RFX4: variants seen among roughly 807,000 people sequenced by gnomAD.
The protein encoded by RFX4 is regulatory factor X4.
In RFX4, 10 loss-of-function variants were observed where a neutral mutation model predicts 95.0. The ratio of observed to expected loss-of-function variants is 0.11; its 90% CI spans 0.06 to 0.18. The LOEUF is 0.18. Among genes scored for constraint, RFX4 ranks in the 10% least tolerant of loss-of-function variants. RFX4 has a pLI of 1.00. For missense variants in RFX4, 640 were observed against 922.0 expected (o/e 0.69, Z 3.96); for synonymous variants, 321 against 340.7 (o/e 0.94, Z 0.64).
chr12:106,708,496 G>C (rs182380879), intron 8 of RFX4, among the ~76,000 whole-genome samples: 29 of 152,268 alleles, frequency 1.9e-4, no homozygotes, highest in African/African-American at 6.7e-4. Flanking sequence ...GGGTTGCCCA[G>C]TGGGGTGGAG....
chr12:106,682,101 C>T (rs1289370092), intron 5 of RFX4, 47 bp downstream of exon 5: 2 of 1,590,866 alleles, frequency 1.3e-6, no homozygotes, highest in Non-Finnish European at 1.7e-6. Flanking sequence ...CATCTATGGG[C>T]CTCGAGACAG....
At chr12:106,635,300 A>G (rs572236976) in intron 2 of RFX4, among the ~76,000 whole-genome samples, 3 of 152,216 alleles carry the variant, frequency 2.0e-5, no homozygotes, top group Non-Finnish European at 2.9e-5. Flanking sequence ...GTTTAAAAAA[A>G]TACAATTGAC....
intron 1 of RFX4, among the ~76,000 whole-genome samples, chr12:106,594,816 A>AT (rs2039594861): frequency 6.6e-6 from 1 of 151,248 alleles, no homozygotes; most frequent in African/African-American, 2.4e-5. Flanking sequence ...AAAAAAAAAA[A>AT]GAAATGAAAA....
intron 5 of RFX4, 29 bp from the exon 6 acceptor site, chr12:106,686,852 TCTC>T: frequency 6.8e-7 from 1 of 1,463,594 alleles, no homozygotes; most frequent in African/African-American, 2.2e-5. Context: ...TTTTTTTTTT[TCTC>T]TCTCTCCCTC....
At position 106,640,301 on chromosome 12, in the gene RFX4, C is replaced by T. The variant is rs2137281083; in HGVS notation, c.191+909C>T. Among the ~76,000 whole-genome samples the T allele has an allele frequency of 1.3e-5, 2 of 152,260 alleles. 1 individual carries two copies. Among genetic ancestry groups the T allele is most frequent in the East Asian group, 3.9e-4 (2 of 5,186 alleles). ...GGTCTCTTTAACTGCAAAGCTCATG[C>T]TTGCGAAGAAAGGAAAAGAAACATC... On this transcript the variant is annotated intron_variant, in intron 3 of 17. Transcript: ENST00000392842.
At position 106,708,724 on chromosome 12, in the gene RFX4, T is replaced by C. The variant is rs937596593; in HGVS notation, c.834-606T>C. On this transcript the variant is annotated intron_variant, in intron 8 of 17. Coordinates refer to ENST00000392842, the MANE Select transcript of RFX4 (RefSeq NM_213594.3). ...AAATGGTGCCCGGTGTCTTCTCAAC[T>C]TCAAATTCCCATCTTATTGCAACCT... Among the ~76,000 whole-genome samples, 5 of 152,212 alleles carry C rather than the reference T, an allele frequency of 3.3e-5. No individual in the cohort carries two copies. In the East Asian group the frequency reaches 5.8e-4, roughly 18 times the overall value.
chr12:106,651,067 A>G (rs2040848426), intron 3 of RFX4, among the ~76,000 whole-genome samples: 1 of 152,266 alleles, frequency 6.6e-6, no homozygotes, highest in Middle Eastern at 3.4e-3. Context: ...GCCAAATCAT[A>G]TCCATTTGTG....
At chr12:106,738,500 G>A (rs1343010850) in intron 15 of RFX4, among the ~76,000 whole-genome samples, 1 of 152,184 alleles carries the variant, frequency 6.6e-6, no homozygotes, top group East Asian at 1.9e-4. Context: ...TATCATAAAT[G>A]GCTTCAGATA....
chr12:106,644,443 G>A (rs184530497), intron 3 of RFX4, among the ~76,000 whole-genome samples: 56 of 152,162 alleles, frequency 3.7e-4, no homozygotes, highest in Non-Finnish European at 7.1e-4. Context: ...ATGTTGGCCA[G>A]GCTGGTTTTG....
intron 2 of RFX4, among the ~76,000 whole-genome samples, chr12:106,609,852 A>G (rs2039920956): frequency 6.6e-6 from 1 of 152,000 alleles, no homozygotes; most frequent in Non-Finnish European, 1.5e-5. Flanking sequence ...CCTGTCAATC[A>G]CTACTGTCCT....
chr12:106,712,332 A>G (rs2042206531), intron 10 of RFX4, among the ~76,000 whole-genome samples: 1 of 152,194 alleles, frequency 6.6e-6, no homozygotes, highest in Non-Finnish European at 1.5e-5. Flanking sequence ...CCAGAGTCCC[A>G]TTTCCCCAGG....
chr12:106,671,488 G>T (rs2041279669), intron 4 of RFX4, among the ~76,000 whole-genome samples: 1 of 151,976 alleles, frequency 6.6e-6, no homozygotes, highest in Non-Finnish European at 1.5e-5. Context: ...GCATGTGTGG[G>T]CATGTGTCAG....
chr12:106,752,837 A>T (rs941086483), intron 17 of RFX4, among the ~76,000 whole-genome samples: 6 of 152,042 alleles, frequency 3.9e-5, no homozygotes, highest in Admixed American at 2.6e-4. Flanking sequence ...GCATTTGGGA[A>T]ACCACCGCTG....
rs1026920683 is a variant in RFX4 at position 106,586,728 on chromosome 12, A to T, written c.43+3365A>T. Among the ~76,000 whole-genome samples the T allele has an allele frequency of 2.0e-5, 3 of 152,162 alleles. No homozygotes were observed. The highest frequency in any genetic ancestry group is 4.4e-5 in the Non-Finnish European group (3 of 68,024). ...CCCCAGCTCAGCACAAATTCTTTCTAAAATTCTACCACCAAATTAATTATA... is the reference window on the plus strand; with the variant it reads ...CCCCAGCTCAGCACAAATTCTTTCTTAAATTCTACCACCAAATTAATTATA... On this transcript the variant is annotated intron_variant, in intron 1 of 17. Coordinates refer to ENST00000392842, the MANE Select transcript of RFX4 (RefSeq NM_213594.3). The surrounding 1 kb of genome is among the most constrained non-coding windows in gnomAD (Gnocchi z 5.6).
chr12:106,615,466 A>C (rs1240358718), intron 2 of RFX4, among the ~76,000 whole-genome samples: 2 of 152,196 alleles, frequency 1.3e-5, no homozygotes, highest in Non-Finnish European at 2.9e-5. Context: ...CTACATTCTT[A>C]ACAATTCCAT....
At chr12:106,734,589 C>T (rs2042675483) in intron 15 of RFX4, among the ~76,000 whole-genome samples, 1 of 132,760 alleles carries the variant, frequency 7.5e-6, no homozygotes, top group Non-Finnish European at 1.6e-5. Flanking sequence ...GAGCAAGACT[C>T]CATCTCAAAA....
intron 15 of RFX4, among the ~76,000 whole-genome samples, chr12:106,734,333 T>G (rs959604264): frequency 6.6e-6 from 1 of 152,134 alleles, no homozygotes; most frequent in Non-Finnish European, 1.5e-5. Context: ...TGGTGGCTCA[T>G]GCCTGTAATC....
intron 4 of RFX4, among the ~76,000 whole-genome samples, chr12:106,669,343 A>G (rs2137362099): frequency 6.6e-6 from 1 of 152,268 alleles, no homozygotes; most frequent in Admixed American, 6.5e-5. Flanking sequence ...TATGAATTAA[A>G]TTTATTTATA....
intron 15 of RFX4, among the ~76,000 whole-genome samples, chr12:106,744,596 G>A (rs1302386962): frequency 2.6e-5 from 4 of 152,170 alleles, no homozygotes; most frequent in Admixed American, 6.5e-5. Context: ...CTGCAAGATA[G>A]ATATTATTAC....
Sources: allele counts gnomAD v4.1 joint callset (sites outside exome capture counted in the v4.1 genomes callset), GRCh38; gene constraint gnomAD v4.1.1; non-coding constraint Gnocchi (gnomAD v3.1); transcripts MANE v1.5; gene names NCBI Gene and HGNC (gene_info 2026-07-23, HGNC 2026-07-21).